ITGA6: variants seen among roughly 807,000 people sequenced by gnomAD.
The protein encoded by ITGA6 is integrin alpha-6.
In ITGA6, 63 loss-of-function variants were observed where a neutral mutation model predicts 133.6. The ratio of observed to expected loss-of-function variants is 0.47; its 90% CI spans 0.38 to 0.58. ITGA6 has a LOEUF of 0.58. Ranked by LOEUF, ITGA6 falls within the 20% of genes least tolerant of loss-of-function variation. The pLI is 0.00. For synonymous variants in ITGA6, 434 were observed against 482.0 expected (o/e 0.90, Z 1.30); for missense variants, 1,068 against 1,309.4 (o/e 0.82, Z 2.85).
Position 172,504,253 on chromosome 2 carries a change from C to T in ITGA6, c.*185C>T, listed in dbSNP as rs780134955. 14 of 1,519,106 alleles carry T rather than the reference C, an allele frequency of 9.2e-6. No homozygotes were observed. Among genetic ancestry groups the T allele is most frequent in the East Asian group, 2.4e-5 (1 of 41,084 alleles). The allele number at this position is 1,519,106 out of a possible 1,614,324, so 94.1% of individuals were successfully genotyped here. On this transcript the variant is annotated 3_prime_UTR_variant, in exon 26 of 26. Transcript: ENST00000684293. ...GAACGAAAATGAAAGCTACTCATAG[C>T]GGGGGCCTAAAAAAAAAAAGCTTCA...
At chr2:172,494,953 GAAC>G (rs2149089393) in intron 23 of ITGA6, among the ~76,000 whole-genome samples, 1 of 152,134 alleles carries the variant, frequency 6.6e-6, no homozygotes, top group Non-Finnish European at 1.5e-5. Flanking sequence ...TAAATTCAGA[GAAC>G]AACTTAAAAT....
At chr2:172,489,460 G>GAT (rs1380768122) in intron 19 of ITGA6, 25 bp from the exon 20 acceptor site, 2 of 1,566,050 alleles carry the variant, frequency 1.3e-6, no homozygotes, top group Admixed American at 3.3e-5. Context: ...ATTAGACTGA[G>GAT]ATAATATGTA....
At chr2:172,492,308 T>C (rs1195488806) in intron 23 of ITGA6, among the ~76,000 whole-genome samples, 6 of 152,250 alleles carry the variant, frequency 3.9e-5, no homozygotes, top group African/African-American at 1.4e-4. Context: ...TTTGTGTTAG[T>C]GTTCTACTGA....
rs2149073853 is a variant in ITGA6 at position 172,487,456 on chromosome 2, A to G, written c.2160+3A>G. On this transcript the variant is annotated splice_donor_region_variant and intron_variant, in intron 15 of 25. Coordinates refer to ENST00000684293, the MANE Select transcript of ITGA6 (RefSeq NM_000210.4). ...ATAGAGAACTGAGGGCTTTCCCTGT[A>G]AGTATTGTTAGAGACCAGCTGAGAG... 1.2e-6 allele frequency: 2 copies of G among 1,613,624 alleles called. No individual in the cohort carries two copies. Among genetic ancestry groups the G allele is most frequent in the Non-Finnish European group, 1.7e-6 (2 of 1,179,508 alleles).
Position 172,457,756 on chromosome 2 carries a change from T to TG in ITGA6, c.183-7776dup, listed in dbSNP as rs983201153. On this transcript the variant is annotated intron_variant, in intron 1 of 25. Coordinates refer to ENST00000684293, the MANE Select transcript of ITGA6 (RefSeq NM_000210.4). ...TGGGGAAAGGCATCCCCCTTCAAAC[T>TG]GGGGGGGAAGCTAGGCTGGGATGAA... Among the ~76,000 whole-genome samples the TG allele has an allele frequency of 1.3e-3, 192 of 152,142 alleles. 1 individual carries two copies. Among genetic ancestry groups the TG allele is most frequent in the African/African-American group, 4.4e-3 (182 of 41,514 alleles).
chr2:172,438,735 C>T (rs926268671), intron 1 of ITGA6, among the ~76,000 whole-genome samples: 4 of 150,898 alleles, frequency 2.7e-5, no homozygotes, highest in African/African-American at 9.7e-5. Flanking sequence ...TTCCCTCACA[C>T]TGGGGAGTTT....
rs752311183 is a variant in ITGA6, at chr2:172,475,633, A to G, written c.1217A>G (p.Lys406Arg). The change falls in exon 8 of 26, where the codon AAG becomes AGG. Residue 406 changes from lysine (K) to arginine (R), a missense_variant. Coordinates refer to ENST00000684293, the MANE Select transcript of ITGA6 (RefSeq NM_000210.4). ...GGAGCTCCGTATGATGACTTGGGAA[A>G]GGTTTTTATCTATCATGGATCTGCA... ...AVGAPYDDLG[K>R]VFIYHGSANG... 3.9e-5 allele frequency: 63 copies of G among 1,608,648 alleles called. No individual in the cohort carries two copies. Among genetic ancestry groups the G allele is most frequent in the Non-Finnish European group, 5.2e-5 (61 of 1,175,156 alleles).
Position 172,487,339 on chromosome 2 carries a change from T to C in ITGA6, c.2046T>C (p.Pro682=). Residue 682 remains proline (P), a synonymous_variant, in exon 15 of 26, where the codon CCT becomes CCC. Coordinates refer to ENST00000684293, the MANE Select transcript of ITGA6 (RefSeq NM_000210.4). ...TAGAAATAACAGTGACAAACAGCCC[T>C]TCCAACCCAAGGAATCCCACAAAAG... ...IALEITVTNS[P]SNPRNPTKDG... is the part of the protein sequence containing the mutation. The C allele has an allele frequency of 6.2e-7, 1 of 1,614,154 alleles. No individual in the cohort carries two copies. Among genetic ancestry groups the C allele is most frequent in the East Asian group, 2.2e-5 (1 of 44,894 alleles).
intron 11 of ITGA6, among the ~76,000 whole-genome samples, chr2:172,480,502 C>T (rs1686391901): frequency 6.6e-6 from 1 of 152,078 alleles, no homozygotes; most frequent in Non-Finnish European, 1.5e-5. Flanking sequence ...TTCCCCACGC[C>T]CCTCCCTCCC....
At chr2:172,490,388 A>AG (rs1218373928) in intron 20 of ITGA6, among the ~76,000 whole-genome samples, 4 of 152,214 alleles carry the variant, frequency 2.6e-5, no homozygotes, top group Non-Finnish European at 5.9e-5. Flanking sequence ...AGTTTGATGA[A>AG]GGTTTGCATG....
At chr2:172,495,002 G>A (rs1048662754) in intron 23 of ITGA6, among the ~76,000 whole-genome samples, 3 of 152,136 alleles carry the variant, frequency 2.0e-5, no homozygotes, top group African/African-American at 7.2e-5. Context: ...CCTTTTATAA[G>A]ATGGCCTGTT....
Position 172,488,133 on chromosome 2 carries a change from A to G in ITGA6, c.2410A>G (p.Lys804Glu), listed in dbSNP as rs1227061253. 6.2e-7 allele frequency: 1 copy of G among 1,613,852 alleles called. No individual in the cohort carries two copies. Among genetic ancestry groups the G allele is most frequent in the Non-Finnish European group, 8.5e-7 (1 of 1,179,754 alleles). The change falls in exon 19 of 26, where the codon AAA becomes GAA. Residue 804 changes from lysine to glutamate, a missense_variant. By Grantham distance (56) the Lys-to-Glu change is moderately conservative. Around this residue, in one of 3 missense-constraint regions of ITGA6, gnomAD observed 609 missense variants for 707.2 expected, o/e 0.86. Transcript: ENST00000684293. ...ELLLSVSGVAKPSQVYFGGTV... is the reference protein window; with the variant it reads ...ELLLSVSGVAEPSQVYFGGTV... ...TGTTTTTTAATTTGACAGAGTTGCT[A>G]AACCTTCCCAGGTGTATTTTGGAGG...
At chr2:172,486,475 T>C (rs1468801505) in intron 13 of ITGA6, among the ~76,000 whole-genome samples, 3 of 152,230 alleles carry the variant, frequency 2.0e-5, no homozygotes, top group Non-Finnish European at 2.9e-5. Context: ...CCCATTGGCA[T>C]GGTGCTAGTA....
At chr2:172,484,674 A>T in intron 11 of ITGA6, 108 bp from the exon 12 acceptor site, 1 of 901,992 alleles carries the variant, frequency 1.1e-6, no homozygotes, top group Non-Finnish European at 1.8e-6. Context: ...AAGAGAAACA[A>T]TGGCAATGTT....
chr2:172,483,985 A>G (rs1207023020), intron 11 of ITGA6, among the ~76,000 whole-genome samples: 2 of 152,040 alleles, frequency 1.3e-5, no homozygotes, highest in East Asian at 3.9e-4. Context: ...TAATTTTTGT[A>G]TTTTTAGTAG....
chr2:172,468,104 C>CT (rs1439977573), intron 3 of ITGA6, among the ~76,000 whole-genome samples: 4 of 152,284 alleles, frequency 2.6e-5, no homozygotes, highest in African/African-American at 9.6e-5. Context: ...ATTCCTACAA[C>CT]TCTAGATGGT....
At chr2:172,441,233 T>C (rs1684524921) in intron 1 of ITGA6, among the ~76,000 whole-genome samples, 1 of 152,174 alleles carries the variant, frequency 6.6e-6, no homozygotes, top group South Asian at 2.1e-4. Flanking sequence ...GCTATCAGAA[T>C]AGAAACTAAT....
chr2:172,437,583 TGG>T (rs1684373334), intron 1 of ITGA6, among the ~76,000 whole-genome samples: 2 of 152,104 alleles, frequency 1.3e-5, no homozygotes, highest in African/African-American at 4.8e-5. Flanking sequence ...ATGTCAGGTT[TGG>T]AGTGTCTAGA....
At chr2:172,483,167 G>A (rs1686524906) in intron 11 of ITGA6, among the ~76,000 whole-genome samples, 1 of 152,252 alleles carries the variant, frequency 6.6e-6, no homozygotes, top group South Asian at 2.1e-4. Flanking sequence ...GGAAGGGAGG[G>A]CTTAGCCAAG....
Sources: allele counts gnomAD v4.1 joint callset (sites outside exome capture counted in the v4.1 genomes callset), GRCh38; gene constraint gnomAD v4.1.1; regional missense constraint gnomAD v4.1.1; transcripts MANE v1.5; gene names NCBI Gene and HGNC (gene_info 2026-07-23, HGNC 2026-07-21).